RARB: variants seen among roughly 807,000 people sequenced by gnomAD.
RARB encodes the protein retinoic acid receptor beta.
A neutral mutation model predicts 51.9 loss-of-function variants in RARB; 17 were observed. The ratio of observed to expected loss-of-function variants is 0.33; its 90% CI spans 0.22 to 0.49. RARB has a LOEUF of 0.49. Among genes scored for constraint, RARB ranks in the 20% least tolerant of loss-of-function variants. RARB has a pLI of 0.99. For missense variants in RARB, 369 were observed against 550.8 expected (o/e 0.67, Z 3.30); for synonymous variants, 215 against 195.4 (o/e 1.10, Z -0.84).
chr3:25,594,611 C>T lies in RARB; in HGVS notation c.1083C>T (p.Pro361=), dbSNP rs1701742704. The T allele has an allele frequency of 6.2e-7, 1 of 1,613,628 alleles. No homozygotes were observed. The highest frequency in any genetic ancestry group is 1.1e-5 in the South Asian group (1 of 91,052). The change falls in exon 7 of 8, where the codon CCC becomes CCT. Residue 361 remains proline, a synonymous_variant. Transcript: ENST00000330688. ...AAATTTATATCAGAAAAAGACGACC[C>T]AGCAAGCCTCACATGTTTCCAAAGA... ...ALKIYIRKRR[P]SKPHMFPKIL...
At chr3:24,997,781 A>G (rs1293053205) in intron 2 of RARB, among the ~76,000 whole-genome samples, 1 of 152,170 alleles carries the variant, frequency 6.6e-6, no homozygotes, top group Non-Finnish European at 1.5e-5. Context: ...TAAATTTTTT[A>G]AATTCACTGT....
intron 5 of RARB, among the ~76,000 whole-genome samples, chr3:25,306,187 C>T (rs1704147936): frequency 6.6e-6 from 1 of 152,138 alleles, no homozygotes; most frequent in Non-Finnish European, 1.5e-5. Context: ...CATTGAGTTT[C>T]ATTGATTGGG....
At chr3:25,098,586 C>A (rs79139652) in intron 3 of RARB, among the ~76,000 whole-genome samples, 36 of 152,210 alleles carry the variant, frequency 2.4e-4, no homozygotes, top group African/African-American at 8.4e-4. Flanking sequence ...GCTGGTGGGT[C>A]AAGTCCAGTC....
chr3:25,136,277 A>G (rs1039638991), intron 4 of RARB, among the ~76,000 whole-genome samples: 10 of 152,150 alleles, frequency 6.6e-5, no homozygotes, highest in Non-Finnish European at 1.5e-4. Context: ...CGTGATTAAT[A>G]CTTATAAAAA....
intron 5 of RARB, among the ~76,000 whole-genome samples, chr3:25,343,706 T>C (rs1020875576): frequency 1.3e-5 from 2 of 152,192 alleles, no homozygotes; most frequent in African/African-American, 4.8e-5. Flanking sequence ...TATGGTTTGT[T>C]ACTCTTCAAG....
intron 3 of RARB, among the ~76,000 whole-genome samples, chr3:25,068,133 C>CAAAAAAAAAAA (rs55826425): frequency 1.8e-4 from 6 of 33,268 alleles, no homozygotes; most frequent in South Asian, 2.3e-3. Context: ...GACTCCATCT[C>CAAAAAAAAAAA]AAAAAAAAAA....
At chr3:25,157,840 T>A (rs562811172) in intron 4 of RARB, among the ~76,000 whole-genome samples, 29 of 152,360 alleles carry the variant, frequency 1.9e-4, no homozygotes, top group African/African-American at 7.0e-4. Flanking sequence ...ATGGTTTGTT[T>A]CCTTGAATAA....
intron 2 of RARB, among the ~76,000 whole-genome samples, chr3:24,918,503 C>G (rs1002561597): frequency 1.3e-5 from 2 of 152,016 alleles, no homozygotes; most frequent in African/African-American, 4.8e-5. Context: ...TGTAAATTTA[C>G]CAAAAACCAT....
At chr3:25,319,358 C>A (rs1704506828) in intron 5 of RARB, among the ~76,000 whole-genome samples, 1 of 152,182 alleles carries the variant, frequency 6.6e-6, no homozygotes, top group South Asian at 2.1e-4. Flanking sequence ...ATTTCATTCC[C>A]TGGAAAGATA....
intron 5 of RARB, among the ~76,000 whole-genome samples, chr3:25,217,935 G>A (rs1486019069): frequency 1.3e-5 from 2 of 151,998 alleles, no homozygotes; most frequent in Non-Finnish European, 2.9e-5. Context: ...TAGGCAACAT[G>A]TTCAAAGATT....
At chr3:25,347,348 CA>C (rs1388198871) in intron 5 of RARB, among the ~76,000 whole-genome samples, 1 of 152,152 alleles carries the variant, frequency 6.6e-6, no homozygotes, top group Non-Finnish European at 1.5e-5. Context: ...ACCAGCTATC[CA>C]GCCTATGACA....
At chr3:25,020,151 A>ATTATTATT (rs1487230029) in intron 2 of RARB, 103 of 17,454 alleles carry the variant, frequency 5.9e-3, no homozygotes, top group Admixed American at 0.016. Context: ...TATTATTATT[A>ATTATTATT]TTATTTTATT....
chr3:25,174,202 A>AG, exon 5 of RARB: 5 of 295,814 alleles, frequency 1.7e-5, no homozygotes, highest in South Asian at 7.3e-5. Context: ...TCCTTCCTGT[A>AG]ATCAGTGTAG....
upstream of RARB, among the ~76,000 whole-genome samples, chr3:25,426,438 G>T (rs949653231): frequency 4.6e-5 from 7 of 152,242 alleles, no homozygotes; most frequent in Non-Finnish European, 1.0e-4. Context: ...CTTTGACTTG[G>T]TAAGTGTGTG....
intron 5 of RARB, among the ~76,000 whole-genome samples, chr3:25,199,115 T>C (rs1701326292): frequency 6.6e-6 from 1 of 152,006 alleles, no homozygotes; most frequent in Non-Finnish European, 1.5e-5. Flanking sequence ...TATTCAACCA[T>C]GAAAAACAAT....
intron 5 of RARB, among the ~76,000 whole-genome samples, chr3:25,415,643 A>C (rs1707683581): frequency 6.6e-6 from 1 of 152,196 alleles, no homozygotes; most frequent in Non-Finnish European, 1.5e-5. Flanking sequence ...TCATTGTTTT[A>C]ATGATGTCTT....
chr3:25,513,548 T>C (rs1698011248), intron 3 of RARB, among the ~76,000 whole-genome samples: 1 of 152,104 alleles, frequency 6.6e-6, no homozygotes, highest in South Asian at 2.1e-4. Context: ...ATATGAGTGA[T>C]AGCATGTTAC....
chr3:25,562,059 A>C (rs573577476), intron 3 of RARB, among the ~76,000 whole-genome samples: 1 of 152,134 alleles, frequency 6.6e-6, no homozygotes, highest in Admixed American at 6.6e-5. Context: ...CCCCTATTTG[A>C]AGACTATTGA....
chr3:25,548,782 C>A (rs1699726532), intron 3 of RARB, among the ~76,000 whole-genome samples: 1 of 152,062 alleles, frequency 6.6e-6, no homozygotes, highest in African/African-American at 2.4e-5. Context: ...TGCTTTCTTC[C>A]CATTTTTTAT....
Sources: gnomAD v4.1 joint callset for allele counts (sites outside exome capture counted in the v4.1 genomes callset) on GRCh38, gnomAD v4.1.1 for gene constraint, MANE v1.5 for transcripts, NCBI Gene and HGNC (gene_info 2026-07-23, HGNC 2026-07-21) for gene names.